Variants in PIKFYVE observed in about 807,000 individuals in gnomAD.
PIKFYVE encodes the protein 1-phosphatidylinositol 3-phosphate 5-kinase.
A neutral mutation model predicts 257.9 loss-of-function variants in PIKFYVE; 122 were observed. That is an observed-to-expected ratio of 0.47 (90% CI 0.41 to 0.55). PIKFYVE has a LOEUF of 0.55. Ranked by LOEUF, PIKFYVE falls within the 20% of genes least tolerant of loss-of-function variation. The probability of loss-of-function intolerance (pLI) is 0.00; values close to 1 mark genes in which losing one functional copy is unlikely to be tolerated. For synonymous variants in PIKFYVE, 892 were observed against 868.9 expected, an observed-to-expected ratio of 1.03 and a Z score of -0.47; for missense variants, 2,160 against 2,536.6, an observed-to-expected ratio of 0.85 and a Z score of 3.19.
At chr2:208,351,734 C>T (rs557275681) in intron 38 of PIKFYVE, among the ~76,000 whole-genome samples, 51 of 151,924 alleles carry the variant, frequency 3.4e-4, no homozygotes, top group South Asian at 1.0e-3. Flanking sequence ...AGCAAGAGAG[C>T]GGGGTTGGGG....
At position 208,326,289 on chromosome 2, in the gene PIKFYVE, GGAA is replaced by G; in HGVS notation, c.3482_3484del (p.Arg1161del). ...GCTGGCCGATTATCGAGCCAGAGGAGGAAGAATTCAGCCCAAAAATTCAGACCC... is the reference window on the plus strand; with the variant it reads ...GCTGGCCGATTATCGAGCCAGAGGAGGAATTCAGCCCAAAAATTCAGACCC... On this transcript the variant is annotated inframe_deletion, in exon 20 of 42. Transcript: ENST00000264380. 1 of 1,600,420 alleles carries G rather than the reference GGAA, an allele frequency of 6.2e-7. No individual in the cohort carries two copies. The highest frequency in any genetic ancestry group is 1.1e-5 in the South Asian group (1 of 88,930).
Position 208,355,257 on chromosome 2 carries a change from T to C in PIKFYVE, c.6249T>C (p.Tyr2083=), listed in dbSNP as rs747990805. The C allele has an allele frequency of 5.0e-6, 8 of 1,613,966 alleles. No individual in the cohort carries two copies. The highest frequency in any genetic ancestry group is 4.5e-5 in the East Asian group (2 of 44,900). The change falls in exon 42 of 42, where the codon TAT becomes TAC. Residue 2083 remains tyrosine, a synonymous_variant. Coordinates refer to ENST00000264380, the MANE Select transcript of PIKFYVE (RefSeq NM_015040.4). ...RTRFCEAMDK[Y]FLMVPDHWTG... ...GGTTTTGTGAGGCAATGGACAAGTA[T>C]TTCCTAATGGTACCAGACCACTGGA...
chr2:208,348,018 C>T lies in PIKFYVE; in HGVS notation c.5369C>T (p.Pro1790Leu). 6.2e-7 allele frequency: 1 copy of T among 1,614,062 alleles called. No homozygotes were observed. Among genetic ancestry groups the T allele is most frequent in the South Asian group, 1.1e-5 (1 of 91,076 alleles). ...KEGTENQGVE[P>L]QDEVDGGDTQ... is the part of the protein sequence containing the mutation. ...GGGACCGAGAATCAAGGCGTTGAGC[C>T]TCAAGGTGTGTTAAAGAAGAGTAAA... is the stretch of plus-strand genomic sequence containing the variant. The change falls in exon 35 of 42, where the codon CCT becomes CTT. Residue 1790 changes from proline (P) to leucine (L), a missense_variant. By Grantham distance (98) the Pro-to-Leu change is moderately conservative (BLOSUM62 -3). Coordinates refer to ENST00000264380, the MANE Select transcript of PIKFYVE (RefSeq NM_015040.4).
Position 208,356,977 on chromosome 2 carries a change from A to C in PIKFYVE, c.*1672A>C, listed in dbSNP as rs1158760399. The C allele has an allele frequency of 2.0e-5, 3 of 152,576 alleles. No homozygotes were observed. The East Asian group carries it at 5.8e-4, about 29-fold the overall frequency. The allele number at this position is 152,576 out of a possible 1,614,324, so 9.5% of individuals were successfully genotyped here. On this transcript the variant is annotated 3_prime_UTR_variant, in exon 42 of 42. Transcript: ENST00000264380. ...TGTGGAAAATTTGCTTTAGAGAATC[A>C]AGGCAGTAGTTTGGTATTTGGTGCT...
chr2:208,267,896 G>C (rs1688873683), intron 1 of PIKFYVE, among the ~76,000 whole-genome samples: 4 of 152,086 alleles, frequency 2.6e-5, no homozygotes, highest in Admixed American at 2.6e-4. Context: ...CTCCTGCCTC[G>C]GCCTCCCAAA....
Position 208,355,170 on chromosome 2 carries a change from T to G in PIKFYVE, c.6182-20T>G. The G allele has an allele frequency of 6.3e-7, 1 of 1,581,506 alleles. No homozygotes were observed. Among genetic ancestry groups the G allele is most frequent in the Non-Finnish European group, 8.7e-7 (1 of 1,150,492 alleles). On this transcript the variant is annotated intron_variant, in intron 41 of 41. Coordinates refer to ENST00000264380, the MANE Select transcript of PIKFYVE (RefSeq NM_015040.4). ...AATTATATAACAGCTTTTTCCCCCT[T>G]TTCTCTTTCATAATCTCAGGTAAAA...
At chr2:208,274,005 G>A (rs1689768862) in intron 3 of PIKFYVE, 4 of 1,610,814 alleles carry the variant, frequency 2.5e-6, no homozygotes, top group Non-Finnish European at 3.4e-6. Context: ...TTAATTACTT[G>A]CTTGGGTTTC....
At position 208,328,252 on chromosome 2, in the gene PIKFYVE, A is replaced by G; in HGVS notation, c.3691A>G (p.Asn1231Asp). ...CAGCAGCTCTTCTGCCCAGTCCAGC[A>G]ATGCTCCTAGTGCCTGTGTCAGTCC... is the stretch of plus-strand genomic sequence containing the variant. ...LFSSSSAQSS[N>D]APSACVSPWI... Residue 1231 changes from asparagine to aspartate, a missense_variant, in exon 21 of 42, where the codon AAT becomes GAT. Asn to Asp is a conservative substitution (Grantham distance 23). This residue lies in a region of PIKFYVE where 522 missense variants were observed against 514.6 expected (regional missense o/e 1.01). Transcript: ENST00000264380. 1 of 1,613,922 alleles carries G rather than the reference A, an allele frequency of 6.2e-7. No individual in the cohort carries two copies. Among genetic ancestry groups the G allele is most frequent in the Non-Finnish European group, 8.5e-7 (1 of 1,179,890 alleles).
intron 24 of PIKFYVE, among the ~76,000 whole-genome samples, chr2:208,334,150 G>A (rs1048549946): frequency 6.6e-6 from 1 of 152,218 alleles, no homozygotes; most frequent in Non-Finnish European, 1.5e-5. Flanking sequence ...TCAAGAGTCT[G>A]AGCACTTTTT....
chr2:208,342,684 C>T, intron 32 of PIKFYVE, 35 bp downstream of exon 32: 4 of 1,500,554 alleles, frequency 2.7e-6, no homozygotes, highest in Non-Finnish European at 3.7e-6. Flanking sequence ...ATGATGATAT[C>T]TATGTATTTT....
At chr2:208,287,453 T>C (rs937968415) in intron 6 of PIKFYVE, among the ~76,000 whole-genome samples, 1 of 151,822 alleles carries the variant, frequency 6.6e-6, no homozygotes, top group African/African-American at 2.4e-5. Context: ...TTTCTGTTTT[T>C]AGTAGGGACG....
intron 21 of PIKFYVE, among the ~76,000 whole-genome samples, chr2:208,329,194 C>G (rs1697250473): frequency 6.6e-6 from 1 of 152,148 alleles, no homozygotes; most frequent in Non-Finnish European, 1.5e-5. Flanking sequence ...TTTGGGGGCA[C>G]TGTCTCCATG....
chr2:208,329,512 C>G (rs775066811), intron 21 of PIKFYVE, among the ~76,000 whole-genome samples: 13 of 152,160 alleles, frequency 8.5e-5, no homozygotes, highest in Non-Finnish European at 1.6e-4. Context: ...AGACCAGAGT[C>G]CCACCTTGTG....
chr2:208,354,452 T>G (rs890080613), intron 40 of PIKFYVE, 119 bp from the exon 41 acceptor site: 10 of 1,001,718 alleles, frequency 1.0e-5, no homozygotes, highest in Non-Finnish European at 1.4e-5. Flanking sequence ...CTTGGCACAT[T>G]GTTAGCACTC....
At chr2:208,313,242 T>G (rs1695121577) in intron 13 of PIKFYVE, among the ~76,000 whole-genome samples, 1 of 152,188 alleles carries the variant, frequency 6.6e-6, no homozygotes, top group Non-Finnish European at 1.5e-5. Flanking sequence ...AGTGAACATA[T>G]TTTTTTGTTA....
At chr2:208,311,549 A>T (rs1015842110) in intron 12 of PIKFYVE, among the ~76,000 whole-genome samples, 1 of 152,192 alleles carries the variant, frequency 6.6e-6, no homozygotes, top group African/African-American at 2.4e-5. Flanking sequence ...AGACCTAGAG[A>T]AAGTTCACGG....
intron 17 of PIKFYVE, 68 bp downstream of exon 17, chr2:208,320,427 T>TA: frequency 6.3e-7 from 1 of 1,576,978 alleles, no homozygotes; most frequent in South Asian, 1.1e-5. Flanking sequence ...TATAAACTCT[T>TA]AATGATTTTG....
chr2:208,341,922 C>T (rs1203157389), intron 31 of PIKFYVE, among the ~76,000 whole-genome samples: 2 of 146,034 alleles, frequency 1.4e-5, no homozygotes, highest in African/African-American at 2.5e-5. Context: ...TGTTTCTTTA[C>T]CCCCACTACA....
At position 208,298,766 on chromosome 2, in the gene PIKFYVE, G is replaced by A. The variant is rs769341028; in HGVS notation, c.1037G>A (p.Arg346His). 19 of 1,613,942 alleles carry A rather than the reference G, an allele frequency of 1.2e-5. No homozygotes were observed. Among genetic ancestry groups the A allele is most frequent in the Non-Finnish European group, 1.5e-5 (18 of 1,179,964 alleles). The part of the protein sequence containing the change: ...YVRTETTEDE[R>H]KILLDSVQLK... ...AGGACAGAGACCACTGAGGATGAAC[G>A]CAAAATTCTTCTGGTACTGGTCCAG... Residue 346 changes from arginine to histidine, a missense_variant, in exon 8 of 42, where the codon CGC becomes CAC. This residue lies in a region of PIKFYVE where 187 missense variants were observed against 185.6 expected (regional missense o/e 1.01). Transcript: ENST00000264380.
Sources: allele counts gnomAD v4.1 joint callset (sites outside exome capture counted in the v4.1 genomes callset), GRCh38; gene constraint gnomAD v4.1.1; regional missense constraint gnomAD v4.1.1; transcripts MANE v1.5; gene names NCBI Gene and HGNC (gene_info 2026-07-23, HGNC 2026-07-21).